CUBN: variants seen among roughly 807,000 people sequenced by gnomAD.
The protein encoded by CUBN is cubilin.
Under a neutral mutation model 405.3 loss-of-function variants are expected in CUBN, and 282 were observed. That is an observed-to-expected ratio of 0.70 (90% CI 0.63 to 0.77). CUBN has a LOEUF of 0.77. Ranked by LOEUF, CUBN falls within the 30% of genes least tolerant of loss-of-function variation. The pLI, the probability that CUBN is intolerant of heterozygous loss-of-function variation, is 0.00. For synonymous variants in CUBN, 1,684 were observed against 1,617.0 expected, an observed-to-expected ratio of 1.04 and a Z score of -0.99; for missense variants, 4,514 against 4,475.2, an observed-to-expected ratio of 1.01 and a Z score of -0.25.
chr10:16,907,354 G>A (rs528862107), intron 49 of CUBN, among the ~76,000 whole-genome samples, 154 bp downstream of exon 49: 6 of 152,230 alleles, frequency 3.9e-5, no homozygotes, highest in Admixed American at 1.3e-4. Context: ...TGTCTGCAGT[G>A]CGTTTTTCAT....
At chr10:17,114,669 A>G (rs1260457281) in intron 7 of CUBN, among the ~76,000 whole-genome samples, 1 of 152,226 alleles carries the variant, frequency 6.6e-6, no homozygotes, top group Non-Finnish European at 1.5e-5. Context: ...AAAGAATTGA[A>G]GTTCTCATGA....
At chr10:16,977,482 G>A (rs911923144) in intron 31 of CUBN, among the ~76,000 whole-genome samples, 15 of 152,188 alleles carry the variant, frequency 9.9e-5, no homozygotes, top group African/African-American at 3.6e-4. Context: ...CCATGGGACA[G>A]TGAACTCCAG....
rs560831626 is a variant in CUBN, at chr10:16,951,991, G to C, written c.4969+285C>G. ...ATACGCCTGTTAATACAGCAAGGTTGTAGGTGTGTTGTGTTGTTGTGCGTG... is the reference window on the plus strand; with the variant it reads ...ATACGCCTGTTAATACAGCAAGGTTCTAGGTGTGTTGTGTTGTTGTGCGTG... On this transcript the variant is annotated intron_variant, in intron 33 of 66. Transcript: ENST00000377833. Among the ~76,000 whole-genome samples, 3 of 151,442 alleles carry C rather than the reference G, an allele frequency of 2.0e-5. No individual in the cohort carries two copies. The South Asian group carries it at 6.2e-4, about 31-fold the overall frequency.
intron 60 of CUBN, among the ~76,000 whole-genome samples, chr10:16,849,200 A>T (rs1564384181): frequency 6.6e-6 from 1 of 152,046 alleles, no homozygotes; most frequent in Non-Finnish European, 1.5e-5. Flanking sequence ...TTGACCACCC[A>T]TGCTTTGTAA....
At chr10:16,985,404 C>G (rs1433759344) in intron 29 of CUBN, among the ~76,000 whole-genome samples, 1 of 152,152 alleles carries the variant, frequency 6.6e-6, no homozygotes, top group African/African-American at 2.4e-5. Context: ...CACTCCATCC[C>G]CTTTCCAGTT....
intron 22 of CUBN, among the ~76,000 whole-genome samples, chr10:17,062,474 C>A (rs1449188672): frequency 6.6e-6 from 1 of 152,154 alleles, no homozygotes; most frequent in African/African-American, 2.4e-5. Flanking sequence ...TGAGCAAAAT[C>A]TAATACGTTA....
At chr10:16,947,207 A>C in intron 36 of CUBN, 28 bp downstream of exon 36, 1 of 1,613,142 alleles carries the variant, frequency 6.2e-7, no homozygotes, top group Non-Finnish European at 8.5e-7. Context: ...ATTAGCACTG[A>C]AACAATACAC....
chr10:16,949,437 GTGT>G (rs1842867541), intron 34 of CUBN, among the ~76,000 whole-genome samples: 1 of 101,104 alleles, frequency 9.9e-6, no homozygotes, highest in African/African-American at 3.8e-5. Context: ...ATGGCCTGGT[GTGT>G]GTGTGTGTGT....
In CUBN at chr10:17,058,401, A is replaced by G. The variant is rs1178388681; in HGVS notation, c.3139+7107T>C. Among the ~76,000 whole-genome samples, 3 of 152,096 alleles carry G rather than the reference A, an allele frequency of 2.0e-5. No homozygotes were observed. The East Asian group carries it at 5.8e-4, about 29-fold the overall frequency. ...AGGGAAAAATCCATATTATGTTAAA[A>G]GCTTGAAAGTTCTGTGCACAGACAG... On this transcript the variant is annotated intron_variant, in intron 22 of 66. Coordinates refer to ENST00000377833, the MANE Select transcript of CUBN (RefSeq NM_001081.4).
chr10:17,075,124 C>A (rs1433191708), intron 17 of CUBN, among the ~76,000 whole-genome samples: 4 of 130,526 alleles, frequency 3.1e-5, no homozygotes, highest in South Asian at 5.5e-4. Flanking sequence ...CACTCTGTCA[C>A]CTAGGCTGGA....
intron 51 of CUBN, among the ~76,000 whole-genome samples, chr10:16,903,659 T>G (rs1841467110): frequency 6.8e-6 from 1 of 147,646 alleles, no homozygotes; most frequent in African/African-American, 2.5e-5. Context: ...TTATTAATAA[T>G]TATTTATTAT....
At chr10:16,961,502 T>A (rs1352810423) in intron 31 of CUBN, among the ~76,000 whole-genome samples, 1 of 152,172 alleles carries the variant, frequency 6.6e-6, no homozygotes, top group Non-Finnish European at 1.5e-5. Flanking sequence ...GAGACCAACA[T>A]CCCTTCCTGG....
At chr10:16,915,264 TA>T (rs973225574) in intron 46 of CUBN, 92 bp from the exon 47 acceptor site, 13 of 1,498,764 alleles carry the variant, frequency 8.7e-6, no homozygotes, top group Non-Finnish European at 1.1e-5. Flanking sequence ...AAGAAAATAA[TA>T]AAAAACAAGA....
chr10:17,055,793 G>A (rs772969857), intron 22 of CUBN, among the ~76,000 whole-genome samples: 1 of 152,048 alleles, frequency 6.6e-6, no homozygotes, highest in Admixed American at 6.6e-5. Context: ...AAATGGAGAG[G>A]TAAAATATGT....
intron 31 of CUBN, among the ~76,000 whole-genome samples, chr10:16,967,877 G>GAGAGAGAAGGAGAGACAGGGAGAA: frequency 6.6e-6 from 1 of 150,994 alleles, no homozygotes; most frequent in African/African-American, 2.4e-5. Flanking sequence ...GACAGGGAGA[G>GAGAGAGAAGGAGAGACAGGGAGAA]AGAGAGAAGG....
chr10:17,038,927 G>A (rs1005379107), intron 27 of CUBN, among the ~76,000 whole-genome samples: 4 of 152,150 alleles, frequency 2.6e-5, no homozygotes, highest in Admixed American at 2.6e-4. Flanking sequence ...TGACAGACAC[G>A]TCATCCATAA....
intron 40 of CUBN, among the ~76,000 whole-genome samples, chr10:16,931,066 T>G (rs193033741): frequency 6.3e-4 from 96 of 151,452 alleles, no homozygotes; most frequent in African/African-American, 2.1e-3. Context: ...ACCATCCTGG[T>G]TAACACAGTG....
rs1302343326 is a variant in CUBN, at chr10:16,876,904, C to T, written c.9099G>A (p.Arg3033=). The change falls in exon 57 of 67, where the codon AGG becomes AGA. Residue 3033 remains arginine (R), a synonymous_variant. Coordinates refer to ENST00000377833, the MANE Select transcript of CUBN (RefSeq NM_001081.4). ...ITDFGFKFSY[R]IISCGGVFNF... ...GTCATTATGGCTACTCACAGATTAT[C>T]CTATAGGAAAACTTGAATCCGAAGT... The T allele has an allele frequency of 6.2e-7, 1 of 1,613,768 alleles. No homozygotes were observed. The highest frequency in any genetic ancestry group is 8.5e-7 in the Non-Finnish European group (1 of 1,179,746).
chr10:17,086,216 G>A (rs1448555965), intron 15 of CUBN, among the ~76,000 whole-genome samples: 3 of 151,936 alleles, frequency 2.0e-5, no homozygotes, highest in East Asian at 1.9e-4. Flanking sequence ...TGACCATCTC[G>A]GCCTCCCAAA....
Sources: allele counts gnomAD v4.1 joint callset (sites outside exome capture counted in the v4.1 genomes callset), GRCh38; gene constraint gnomAD v4.1.1; transcripts MANE v1.5; gene names NCBI Gene and HGNC (gene_info 2026-07-23, HGNC 2026-07-21).